NR3C1: variants seen among roughly 807,000 people sequenced by gnomAD.
The protein encoded by NR3C1 is glucocorticoid receptor.
A neutral mutation model predicts 74.0 loss-of-function variants in NR3C1; 14 were observed. The ratio of observed to expected loss-of-function variants is 0.19; its 90% CI spans 0.12 to 0.30. NR3C1 has a LOEUF of 0.30. NR3C1 is among the 10% of genes least tolerant of loss of function. The pLI is 1.00. For synonymous variants in NR3C1, 308 were observed against 332.5 expected (o/e 0.93, Z 0.80); for missense variants, 695 against 909.8 (o/e 0.76, Z 3.04).
At chr5:143,323,205 T>A (rs1823749623) in intron 2 of NR3C1, among the ~76,000 whole-genome samples, 1 of 152,190 alleles carries the variant, frequency 6.6e-6, no homozygotes, top group Non-Finnish European at 1.5e-5. Context: ...GCCATCTGTA[T>A]TAGTTGTTTT....
At position 143,295,465 on chromosome 5, in the gene NR3C1, G is replaced by A; in HGVS notation, c.2018C>T (p.Ser673Phe). 1 of 1,612,602 alleles carries A rather than the reference G, an allele frequency of 6.2e-7. No individual in the cohort carries two copies. Among genetic ancestry groups the A allele is most frequent in the Non-Finnish European group, 8.5e-7 (1 of 1,179,090 alleles). Residue 673 changes from serine to phenylalanine, a missense_variant, in exon 7 of 9, where the codon TCT (serine) becomes TTT (phenylalanine). Physicochemically the swap from Ser to Phe is radical, Grantham distance 155. Transcript: ENST00000394464. ...TGAAAAGGTGTTCTACCAACCTGAA[G>A]AGAGAAGCAGTAAGGTTTTCATACA... Reference protein sequence around the residue: ...YLCMKTLLLLSSVPKDGLKSQ... With the variant: ...YLCMKTLLLLFSVPKDGLKSQ...
In NR3C1 at chr5:143,279,077, C is replaced by T; in HGVS notation, c.*2812G>A. On this transcript the variant is annotated 3_prime_UTR_variant, in exon 9 of 9. Transcript: ENST00000394464. ...CAACTCTCACTGAAGTTACTACAAA[C>T]TTCAACAGTTTGGGTTGGGATGGCC... The T allele has an allele frequency of 2.5e-6, 1 of 403,634 alleles. No homozygotes were observed. Among genetic ancestry groups the T allele is most frequent in the South Asian group, 3.2e-5 (1 of 30,958 alleles). 25.0% of individuals were successfully genotyped at this position (403,634 alleles called of 1,614,324 possible). A position where few individuals can be genotyped will look rare whatever the true frequency, so the allele number is the denominator to read the frequency against.
At chr5:143,396,131 G>C (rs963802848) in intron 2 of NR3C1, among the ~76,000 whole-genome samples, 7 of 151,752 alleles carry the variant, frequency 4.6e-5, no homozygotes, top group Non-Finnish European at 7.4e-5. Flanking sequence ...AACATCGTAA[G>C]TAATTTCAAT....
intron 2 of NR3C1, among the ~76,000 whole-genome samples, chr5:143,324,755 G>A (rs1824195543): frequency 6.6e-6 from 1 of 152,184 alleles, no homozygotes; most frequent in African/African-American, 2.4e-5. Context: ...GCTTTTAACA[G>A]CACCGAAGTC....
At chr5:143,325,568 C>G (rs769091638) in intron 2 of NR3C1, among the ~76,000 whole-genome samples, 1 of 152,110 alleles carries the variant, frequency 6.6e-6, no homozygotes, top group African/African-American at 2.4e-5. Context: ...TTAATGGTGG[C>G]CCTAAAGCAC....
At chr5:143,358,900 CAA>C (rs200756825) in intron 2 of NR3C1, among the ~76,000 whole-genome samples, 18 of 131,550 alleles carry the variant, frequency 1.4e-4, no homozygotes, top group African/African-American at 4.5e-4. Flanking sequence ...AACTCCATTT[CAA>C]AAAAAAAAAA....
At position 143,338,515 on chromosome 5, in the gene NR3C1, T is replaced by C. The variant is rs895149518; in HGVS notation, c.1185-24347A>G. On this transcript the variant is annotated intron_variant, in intron 2 of 8. Transcript: ENST00000394464. ...GAACACTGATGACACTGACTTTGTA[T>C]AGGCCTAGGTTAATGTGTGTGTTTG... is the stretch of plus-strand genomic sequence containing the variant. 5.9e-5 allele frequency among the ~76,000 whole-genome samples: 9 copies of C among 152,268 alleles called. No individual in the cohort carries two copies. The South Asian group carries it at 1.9e-3, about 32-fold the overall frequency.
At chr5:143,332,518 A>G in intron 2 of NR3C1, 1 of 623,992 alleles carries the variant, frequency 1.6e-6, no homozygotes, top group South Asian at 2.2e-5. Flanking sequence ...TTACCTATGT[A>G]ACCTGCACAT....
intron 7 of NR3C1, 103 bp downstream of exon 7, chr5:143,295,357 T>C (rs1294446080): frequency 5.4e-6 from 8 of 1,490,550 alleles, no homozygotes; most frequent in African/African-American, 1.4e-5. Flanking sequence ...GAAATAATAG[T>C]AGACTTGGTA....
At chr5:143,340,521 C>T (rs1368767206) in intron 2 of NR3C1, among the ~76,000 whole-genome samples, 2 of 121,204 alleles carry the variant, frequency 1.7e-5, no homozygotes, top group Non-Finnish European at 3.2e-5. Flanking sequence ...CTCGCTCTGT[C>T]GCCCAGGCTG....
In NR3C1 at chr5:143,300,384, CA is replaced by C; in HGVS notation, c.1747+100del. On this transcript the variant is annotated intron_variant, in intron 5 of 8. Transcript: ENST00000394464. The surrounding 1 kb of genome is among the most constrained non-coding windows in gnomAD (Gnocchi z 5.2). Reference sequence around the variant, plus strand: ...TCATAGTCCCCAGAACTAAGAGAAACAAGATAAGCCATGGGCTCACGATGAT... The same window carrying C: ...TCATAGTCCCCAGAACTAAGAGAAACAGATAAGCCATGGGCTCACGATGAT... 7.0e-7 allele frequency: 1 copy of C among 1,436,224 alleles called. No homozygotes were observed. The allele number at this position is 1,436,224 out of a possible 1,614,324, so 89.0% of individuals were successfully genotyped here.
intron 1 of NR3C1, chr5:143,401,403 A>T (rs1385404790): frequency 6.1e-6 from 1 of 164,872 alleles, no homozygotes; most frequent in East Asian, 1.6e-4. Context: ...AGTACAACCA[A>T]CTGGTGAACC....
At chr5:143,408,677 G>A (rs981684975), upstream of NR3C1, among the ~76,000 whole-genome samples, 1 of 152,002 alleles carries the variant, frequency 6.6e-6, no homozygotes. Flanking sequence ...AAATAATTTG[G>A]GGCATGAAGC....
chr5:143,391,894 A>C (rs935782619), intron 2 of NR3C1, among the ~76,000 whole-genome samples: 1 of 152,214 alleles, frequency 6.6e-6, no homozygotes, highest in Non-Finnish European at 1.5e-5. Flanking sequence ...TGCTGGTTTA[A>C]GCTAAGTGGA....
At chr5:143,333,495 C>A (rs1211771181) in intron 2 of NR3C1, among the ~76,000 whole-genome samples, 1 of 151,852 alleles carries the variant, frequency 6.6e-6, no homozygotes, top group African/African-American at 2.4e-5. Context: ...GCTGGCCGGG[C>A]GCGGTGGCTC....
chr5:143,335,358 T>C (rs1561598064), intron 2 of NR3C1, among the ~76,000 whole-genome samples: 1 of 152,256 alleles, frequency 6.6e-6, no homozygotes. Flanking sequence ...ATTATTGTTG[T>C]AAATTCATCT....
At chr5:143,347,582 T>C (rs1252640011) in intron 2 of NR3C1, among the ~76,000 whole-genome samples, 1 of 152,248 alleles carries the variant, frequency 6.6e-6, no homozygotes, top group African/African-American at 2.4e-5. Context: ...AACTGGAGAT[T>C]GCCAAGGGCT....
upstream of NR3C1, chr5:143,407,227 T>G (rs893419238): frequency 6.6e-6 from 1 of 152,224 alleles, no homozygotes; most frequent in Non-Finnish European, 1.5e-5. Context: ...ACAAATACAT[T>G]ACAGGGTTAT....
At chr5:143,295,033 C>T in intron 7 of NR3C1, 2 of 985,390 alleles carry the variant, frequency 2.0e-6, no homozygotes, top group Non-Finnish European at 1.2e-6. Context: ...TTAAGCACAC[C>T]TTTTCTAGGA....
Sources: allele counts gnomAD v4.1 joint callset (sites outside exome capture counted in the v4.1 genomes callset), GRCh38; gene constraint gnomAD v4.1.1; non-coding constraint Gnocchi (gnomAD v3.1); transcripts MANE v1.5; gene names NCBI Gene and HGNC (gene_info 2026-07-23, HGNC 2026-07-21).